Variants in XRCC1 observed in about 807,000 individuals in gnomAD.
XRCC1 encodes X-ray repair cross complementing 1.
In XRCC1, 52 loss-of-function variants were observed where a neutral mutation model predicts 83.3. The observed-to-expected ratio is 0.62, with a 90% CI of 0.50 to 0.79. XRCC1 has a LOEUF of 0.79. Among genes scored for constraint, XRCC1 ranks in the 30% least tolerant of loss-of-function variants. The probability of loss-of-function intolerance (pLI) is 0.00; values close to 1 mark genes in which losing one functional copy is unlikely to be tolerated. For synonymous variants in XRCC1, 281 were observed against 312.6 expected, an observed-to-expected ratio of 0.90 and a Z score of 1.07; for missense variants, 793 against 823.5, an observed-to-expected ratio of 0.96 and a Z score of 0.45.
rs568800776 is a variant in XRCC1 at position 43,558,885 on chromosome 19, C to T, written c.255+2025G>A. On this transcript the variant is annotated intron_variant, in intron 3 of 16. Coordinates refer to ENST00000262887, the MANE Select transcript of XRCC1 (RefSeq NM_006297.3). Reference sequence around the variant, plus strand: ...GGTGCAGTGGCTCAGGTCTGTAATCCCAATACTTTGGGAGGCCAAGGTGGG... The same window carrying T: ...GGTGCAGTGGCTCAGGTCTGTAATCTCAATACTTTGGGAGGCCAAGGTGGG... 1.5e-4 allele frequency among the ~76,000 whole-genome samples: 23 copies of T among 151,424 alleles called. 1 individual carries two copies. In the South Asian group the frequency reaches 4.8e-3, roughly 32 times the overall value.
At chr19:43,573,045 C>T (rs1046514589) in intron 2 of XRCC1, among the ~76,000 whole-genome samples, 24 of 150,810 alleles carry the variant, frequency 1.6e-4, no homozygotes, top group African/African-American at 3.7e-4. Flanking sequence ...CAATCCTCCC[C>T]GCTCAGCCTC....
chr19:43,573,226 T>G (rs1972821946), intron 2 of XRCC1, among the ~76,000 whole-genome samples: 1 of 152,130 alleles, frequency 6.6e-6, no homozygotes, highest in African/African-American at 2.4e-5. Flanking sequence ...CCAACAAGCA[T>G]TCTTATAAGA....
At chr19:43,573,881 C>A (rs190303454) in intron 2 of XRCC1, among the ~76,000 whole-genome samples, 2 of 152,120 alleles carry the variant, frequency 1.3e-5, no homozygotes, top group Non-Finnish European at 2.9e-5. Context: ...TCTGTCTCAA[C>A]AGATAAATAA....
intron 15 of XRCC1, 32 bp from the exon 16 acceptor site, chr19:43,543,719 A>G: frequency 6.2e-7 from 1 of 1,605,438 alleles, no homozygotes; most frequent in South Asian, 1.1e-5. Flanking sequence ...GGTAGAAGGC[A>G]CATCAGGGAA....
intron 10 of XRCC1, among the ~76,000 whole-genome samples, chr19:43,549,045 T>C (rs1972550105): frequency 6.6e-6 from 1 of 152,172 alleles, no homozygotes; most frequent in African/African-American, 2.4e-5. Context: ...GTTTTCAAGC[T>C]GGTGAAATGC....
At chr19:43,562,520 G>A (rs3213316) in intron 2 of XRCC1, among the ~76,000 whole-genome samples, 4,125 of 152,002 alleles carry the variant, frequency 0.027, 93 homozygotes, top group African/African-American at 0.063. Flanking sequence ...GGGGTGGGAG[G>A]ATCACTTGAG....
At chr19:43,553,275 G>A (rs1051955455) in intron 6 of XRCC1, 126 bp downstream of exon 6, 5 of 1,216,590 alleles carry the variant, frequency 4.1e-6, no homozygotes, top group Non-Finnish European at 4.7e-6. Flanking sequence ...TGAGACCCAG[G>A]AGTCCAGGAC....
At chr19:43,564,461 C>T (rs985742414) in intron 2 of XRCC1, among the ~76,000 whole-genome samples, 7 of 152,194 alleles carry the variant, frequency 4.6e-5, no homozygotes, top group African/African-American at 1.7e-4. Context: ...TTTCCTGTTA[C>T]TGTTGTACAA....
In XRCC1 at chr19:43,549,428, T is replaced by G. The variant is rs1972553931; in HGVS notation, c.1199+2143A>C. The stretch of plus-strand genomic sequence containing the variant: ...GTGTGCGCCACCATGCCCAGCTAAT[T>G]TTTGTATTTTTTGGTACAGATGGGG... On this transcript the variant is annotated intron_variant, in intron 10 of 16. Transcript: ENST00000262887. Among the ~76,000 whole-genome samples the G allele has an allele frequency of 2.6e-5, 4 of 152,216 alleles. No homozygotes were observed. The South Asian group carries it at 8.3e-4, about 32-fold the overall frequency.
rs761471331 is a variant in XRCC1, at chr19:43,545,974, G to A, written c.1482-17C>T. On this transcript the variant is annotated splice_polypyrimidine_tract_variant and intron_variant, in intron 13 of 16. Transcript: ENST00000262887. ...TCTGCCACCCTGGGGGTGCCAAGAGGAGTAGAGAGTGAGCATGCAGAGCAG... is the reference window on the plus strand; with the variant it reads ...TCTGCCACCCTGGGGGTGCCAAGAGAAGTAGAGAGTGAGCATGCAGAGCAG... The A allele has an allele frequency of 2.5e-6, 4 of 1,613,784 alleles. No individual in the cohort carries two copies. Among genetic ancestry groups the A allele is most frequent in the South Asian group, 2.2e-5 (2 of 91,074 alleles).
chr19:43,548,809 T>G lies in XRCC1; in HGVS notation c.1200-1832A>C, dbSNP rs114555388. Among the ~76,000 whole-genome samples the G allele has an allele frequency of 7.6e-3, 1,106 of 145,882 alleles. 11 individuals are homozygous for G. Among genetic ancestry groups the G allele is most frequent in the African/African-American group, 0.025 (978 of 39,494 alleles). On this transcript the variant is annotated intron_variant, in intron 10 of 16. Coordinates refer to ENST00000262887, the MANE Select transcript of XRCC1 (RefSeq NM_006297.3). ...AAACACAACAGTAGCAGGTTGACAC[T>G]TACATGGGACTTCCTACATGCCAGG...
At chr19:43,552,770 T>G in intron 8 of XRCC1, 27 bp downstream of exon 8, 1 of 1,565,536 alleles carries the variant, frequency 6.4e-7, no homozygotes, top group Non-Finnish European at 8.6e-7. Flanking sequence ...CAGGCCCCTG[T>G]GGAAACAAGG....
Position 43,545,964 on chromosome 19 carries a change from G to A in XRCC1, c.1482-7C>T, listed in dbSNP as rs764100454. On this transcript the variant is annotated splice_polypyrimidine_tract_variant and splice_region_variant and intron_variant, in intron 13 of 16. Transcript: ENST00000262887. ...TTCCTTCTGCTCTGCCACCCTGGGG[G>A]TGCCAAGAGGAGTAGAGAGTGAGCA... 7 of 1,613,662 alleles carry A rather than the reference G, an allele frequency of 4.3e-6. No individual in the cohort carries two copies. The Admixed American group carries it at 6.7e-5, about 15-fold the overall frequency.
chr19:43,551,434 G>A (rs1159250113), intron 10 of XRCC1, 137 bp downstream of exon 10: 43 of 729,978 alleles, frequency 5.9e-5, no homozygotes, highest in Middle Eastern at 5.4e-4. Flanking sequence ...CCCCTGCCCC[G>A]CTCCTCTCAG....
rs915927 is a variant in XRCC1 at position 43,553,075 on chromosome 19, T to C, written c.618A>G (p.Pro206=). The C allele has an allele frequency of 0.42, 659,234 of 1,576,866 alleles. 142,540 individuals carry two copies. The highest frequency in any genetic ancestry group is 0.44 in the Non-Finnish European group (514,265 of 1,161,038). Residue 206 remains proline, a synonymous_variant, in exon 7 of 17, where the codon CCA becomes CCG. Coordinates refer to ENST00000262887, the MANE Select transcript of XRCC1 (RefSeq NM_006297.3). ...TAGCAGCTGCATAGCTAGGTCCTGC[T>C]GGGTCGCTGGCTGTGACTATGAAGG... ...NKTSPVTASD[P]AGPSYAAATL...
chr19:43,560,927 C>CA lies in XRCC1; in HGVS notation c.237dup (p.Gly80TrpfsTer6). ...CTGCTTACCTCATAGTCTTGCTCCC[C>CA]AGCGCCTCCAGCTGAACTGCCCACC... On this transcript the variant is annotated frameshift_variant, in exon 3 of 17. Transcript: ENST00000262887. LOFTEE classifies it high-confidence loss of function. 6.2e-7 allele frequency: 1 copy of CA among 1,614,130 alleles called. No individual in the cohort carries two copies. The highest frequency in any genetic ancestry group is 8.5e-7 in the Non-Finnish European group (1 of 1,179,970).
intron 3 of XRCC1, among the ~76,000 whole-genome samples, chr19:43,558,997 C>T (rs1159414564): frequency 6.6e-6 from 1 of 151,622 alleles, no homozygotes; most frequent in Non-Finnish European, 1.5e-5. Flanking sequence ...AAAAATTAGC[C>T]GGGTATGGCG....
intron 2 of XRCC1, 35 bp from the exon 3 acceptor site, chr19:43,561,055 G>A (rs1474394708): frequency 3.3e-6 from 5 of 1,521,502 alleles, no homozygotes; most frequent in Non-Finnish European, 4.6e-6. Flanking sequence ...GTCAGTGCCT[G>A]CTCTGCCTCT....
intron 10 of XRCC1, among the ~76,000 whole-genome samples, chr19:43,548,840 C>T (rs1020848529): frequency 1.3e-5 from 2 of 149,398 alleles, no homozygotes; most frequent in Admixed American, 6.7e-5. Flanking sequence ...CCAGGTAGCA[C>T]GTGACAAATA....
Sources: gnomAD v4.1 joint callset for allele counts (sites outside exome capture counted in the v4.1 genomes callset) on GRCh38, gnomAD v4.1.1 for gene constraint, MANE v1.5 for transcripts, NCBI Gene and HGNC (gene_info 2026-07-23, HGNC 2026-07-21) for gene names.